The following CMYA5 variants were observed in gnomAD, a reference collection of about 807,000 sequenced individuals.
CMYA5 encodes cardiomyopathy associated 5, also known as cardiomyopathy-associated protein 5.
A neutral mutation model predicts 318.9 loss-of-function variants in CMYA5; 246 were observed. The ratio of observed to expected loss-of-function variants is 0.77; its 90% CI spans 0.70 to 0.86. The LOEUF (loss-of-function observed/expected upper bound fraction) is 0.86, where lower values mean the gene tolerates loss of function less well. Among genes scored for constraint, CMYA5 ranks in the 40% least tolerant of loss-of-function variants. The probability of loss-of-function intolerance (pLI) is 0.00; values close to 1 mark genes in which losing one functional copy is unlikely to be tolerated. For synonymous variants in CMYA5, 1,641 were observed against 1,729.5 expected, an observed-to-expected ratio of 0.95 and a Z score of 1.27; for missense variants, 4,589 against 4,678.2, an observed-to-expected ratio of 0.98 and a Z score of 0.56.
At chr5:79,747,030 C>A in intron 4 of CMYA5, 61 bp from the exon 5 acceptor site, 1 of 1,001,112 alleles carries the variant, frequency 1.0e-6, no homozygotes, top group South Asian at 1.5e-5. Flanking sequence ...TAGCTTCTCT[C>A]TCTCTTTCTC....
intron 11 of CMYA5, 41 bp downstream of exon 11, chr5:79,791,110 C>A (rs1261571222): frequency 2.9e-6 from 4 of 1,401,162 alleles, no homozygotes; most frequent in East Asian, 4.6e-5. Flanking sequence ...GATGGCCCAG[C>A]AGTAGGGTCT....
In CMYA5 at chr5:79,729,881, A is replaced by C. The variant is rs1379370753; in HGVS notation, c.1116A>C (p.Lys372Asn). ...SVPQQPEDEA[K>N]PHEVEPPSVT... is the part of the protein sequence containing the mutation. Reference sequence around the variant, plus strand: ...CACAACAGCCAGAAGATGAAGCAAAACCACATGAAGTGGAACCTCCATCTG... The same window carrying C: ...CACAACAGCCAGAAGATGAAGCAAACCCACATGAAGTGGAACCTCCATCTG... Residue 372 changes from lysine to asparagine, a missense_variant, in exon 2 of 13, where the codon AAA becomes AAC. Transcript: ENST00000446378. 2.5e-6 allele frequency: 4 copies of C among 1,612,794 alleles called. No homozygotes were observed. The South Asian group carries it at 4.4e-5, about 18-fold the overall frequency.
At position 79,735,241 on chromosome 5, in the gene CMYA5, C is replaced by T; in HGVS notation, c.6476C>T (p.Pro2159Leu). ...PEVTQNPPTQ[P>L]KVAKPDLPEE... The stretch of plus-strand genomic sequence containing the variant: ...GTGACACAAAATCCACCTACACAAC[C>T]AAAGGTGGCTAAGCCGGACCTTCCT... Residue 2159 changes from proline (P) to leucine (L), a missense_variant, in exon 2 of 13, where the codon CCA becomes CTA. This residue lies in a region of CMYA5 where 2,431 missense variants were observed against 2,495.1 expected (regional missense o/e 0.97). Transcript: ENST00000446378. 1 of 1,613,792 alleles carries T rather than the reference C, an allele frequency of 6.2e-7. No individual in the cohort carries two copies. The highest frequency in any genetic ancestry group is 8.5e-7 in the Non-Finnish European group (1 of 1,179,764).
In CMYA5 at chr5:79,763,095, G is replaced by A; in HGVS notation, c.11441G>A (p.Cys3814Tyr). 3.7e-6 allele frequency: 6 copies of A among 1,613,894 alleles called. No individual in the cohort carries two copies. Among genetic ancestry groups the A allele is most frequent in the Non-Finnish European group, 4.2e-6 (5 of 1,179,880 alleles). ...PSTPVIRAED[C>Y]TVCWNTATIR... is the part of the protein sequence containing the mutation. Reference sequence around the variant, plus strand: ...ACCCCTGTGATCCGCGCTGAGGACTGTACTGTGTGTTGGAACACAGCCACT... The same window carrying A: ...ACCCCTGTGATCCGCGCTGAGGACTATACTGTGTGTTGGAACACAGCCACT... The change falls in exon 9 of 13, where the codon TGT (cysteine) becomes TAT (tyrosine). Residue 3814 changes from cysteine (C) to tyrosine (Y), a missense_variant. This residue lies in a region of CMYA5 where 2,431 missense variants were observed against 2,495.1 expected (regional missense o/e 0.97). Coordinates refer to ENST00000446378, the MANE Select transcript of CMYA5 (RefSeq NM_153610.5).
intron 11 of CMYA5, among the ~76,000 whole-genome samples, 156 bp downstream of exon 11, chr5:79,791,225 G>A (rs546399227): frequency 3.9e-5 from 6 of 152,242 alleles, no homozygotes; most frequent in South Asian, 2.1e-4. Context: ...CACACTGTTC[G>A]GCTGTGGTTC....
chr5:79,799,475 C>T lies in CMYA5; in HGVS notation c.12069C>T (p.Ile4023=). 1 of 1,614,002 alleles carries T rather than the reference C, an allele frequency of 6.2e-7. No homozygotes were observed. ...LDYNNQRLIF[I]NAESEQLLFI... ...ACAACAACCAGAGACTTATCTTCAT[C>T]AACGCAGAGAGCGAGCAGTTGCTCT... Residue 4023 remains isoleucine (I), a synonymous_variant, in exon 13 of 13, where the codon ATC becomes ATT. Transcript: ENST00000446378.
chr5:79,776,585 T>C (rs1348347971), intron 9 of CMYA5, among the ~76,000 whole-genome samples: 1 of 151,830 alleles, frequency 6.6e-6, no homozygotes, highest in African/African-American at 2.4e-5. Context: ...ACTAAACACC[T>C]AGATTCAAAG....
intron 1 of CMYA5, among the ~76,000 whole-genome samples, chr5:79,690,634 A>G (rs1826953835): frequency 6.6e-6 from 1 of 152,176 alleles, no homozygotes; most frequent in African/African-American, 2.4e-5. Context: ...AAGTAATACT[A>G]TGTACAAAAG....
rs1829222679 is a variant in CMYA5, at chr5:79,793,685, C to G, written c.11963+75C>G. 4.4e-6 allele frequency: 6 copies of G among 1,358,564 alleles called. No individual in the cohort carries two copies. In the East Asian group the frequency reaches 1.4e-4, roughly 32 times the overall value. 84.2% of individuals were successfully genotyped at this position (1,358,564 alleles called of 1,614,324 possible). A position where few individuals can be genotyped will look rare whatever the true frequency, so the allele number is the denominator to read the frequency against. ...GTCCAGGCAGGGCTCTCTGAGGGACCTGATAAATAGCACCCACTTCCATGC... is the reference window on the plus strand; with the variant it reads ...GTCCAGGCAGGGCTCTCTGAGGGACGTGATAAATAGCACCCACTTCCATGC... On this transcript the variant is annotated intron_variant, in intron 12 of 12. Transcript: ENST00000446378.
At chr5:79,724,196 C>T (rs985391215) in intron 1 of CMYA5, among the ~76,000 whole-genome samples, 10 of 151,716 alleles carry the variant, frequency 6.6e-5, no homozygotes, top group Admixed American at 2.6e-4. Flanking sequence ...TGGTGGTGCC[C>T]GCCTGTAATC....
intron 12 of CMYA5, among the ~76,000 whole-genome samples, chr5:79,795,761 G>C (rs557396983): frequency 8.3e-4 from 126 of 152,272 alleles, no homozygotes; most frequent in African/African-American, 3.0e-3. Context: ...AGTCCAAAGG[G>C]GTCTGGGCTG....
rs565241418 is a variant in CMYA5 at position 79,763,193 on chromosome 5, G to A, written c.11539G>A (p.Glu3847Lys). The change falls in exon 9 of 13, where the codon GAG becomes AAG. Residue 3847 changes from glutamate to lysine, a missense_variant. Glu to Lys is a moderately conservative substitution (Grantham distance 56). Transcript: ENST00000446378. ...TLEYCRQHSP[E>K]GEGLRSFSGI... ...GGAGTACTGCAGACAGCACTCTCCTGAGGGAGAGGGCCTCAGGTGAGGGGC... is the reference window on the plus strand; with the variant it reads ...GGAGTACTGCAGACAGCACTCTCCTAAGGGAGAGGGCCTCAGGTGAGGGGC... The A allele has an allele frequency of 5.6e-6, 9 of 1,606,898 alleles. No homozygotes were observed. Among genetic ancestry groups the A allele is most frequent in the African/African-American group, 2.7e-5 (2 of 74,910 alleles).
chr5:79,733,051 C>T lies in CMYA5; in HGVS notation c.4286C>T (p.Thr1429Ile), dbSNP rs1396948079. ...ATTAAAGGTGCTTCTCCCATTGAAA[C>T]TTCATCCAAACATTTAGCTTGGTCA... ...VAIKGASPIE[T>I]SSKHLAWSEA... The change falls in exon 2 of 13, where the codon ACT (threonine) becomes ATT (isoleucine). Residue 1429 changes from threonine to isoleucine, a missense_variant. By Grantham distance (89) the Thr-to-Ile change is moderately conservative. Coordinates refer to ENST00000446378, the MANE Select transcript of CMYA5 (RefSeq NM_153610.5). The T allele has an allele frequency of 2.5e-6, 4 of 1,613,424 alleles. No individual in the cohort carries two copies. Among genetic ancestry groups the T allele is most frequent in the Non-Finnish European group, 3.4e-6 (4 of 1,179,670 alleles).
At chr5:79,764,122 G>A (rs534873195) in intron 9 of CMYA5, among the ~76,000 whole-genome samples, 21 of 151,878 alleles carry the variant, frequency 1.4e-4, no homozygotes, top group African/African-American at 3.4e-4. Context: ...ATCTGTATTC[G>A]GTGTTTCTCC....
chr5:79,784,866 A>G (rs972439206), intron 9 of CMYA5, among the ~76,000 whole-genome samples: 3 of 151,370 alleles, frequency 2.0e-5, no homozygotes, highest in Non-Finnish European at 4.4e-5. Flanking sequence ...AAATGCAGAA[A>G]TCACCCGTCT....
At chr5:79,745,198 G>A (rs772357245) in intron 3 of CMYA5, 24 bp from the exon 4 acceptor site, 2 of 1,463,092 alleles carry the variant, frequency 1.4e-6, no homozygotes, top group South Asian at 1.3e-5. Flanking sequence ...TCAGAAGTGG[G>A]CTTTTTTGCT....
intron 4 of CMYA5, among the ~76,000 whole-genome samples, chr5:79,745,866 C>T (rs1366199013): frequency 2.0e-5 from 3 of 152,216 alleles, no homozygotes; most frequent in Non-Finnish European, 4.4e-5. Flanking sequence ...ATGGGCTGTT[C>T]CCCCTCTGAG....
In CMYA5 at chr5:79,738,161, C is replaced by G. The variant is rs1159771613; in HGVS notation, c.9396C>G (p.Ser3132Arg). ...TATTATCTCATCCAGAGACCCAAAG[C>G]CAAAACTCAGCTGACAGGAATGTTT... is the stretch of plus-strand genomic sequence containing the variant. ...HNILSHPETQ[S>R]QNSADRNVSK... is the part of the protein sequence containing the mutation. The change falls in exon 2 of 13, where the codon AGC becomes AGG. Residue 3132 changes from serine (S) to arginine (R), a missense_variant. Ser to Arg is a moderately radical substitution (Grantham distance 110, BLOSUM62 -1). Coordinates refer to ENST00000446378, the MANE Select transcript of CMYA5 (RefSeq NM_153610.5). The G allele has an allele frequency of 1.2e-5, 20 of 1,613,780 alleles. No individual in the cohort carries two copies. Among genetic ancestry groups the G allele is most frequent in the Non-Finnish European group, 1.7e-5 (20 of 1,179,840 alleles).
rs1402227567 is a variant in CMYA5 at position 79,791,003 on chromosome 5, A to G, written c.11723A>G (p.His3908Arg). Residue 3908 changes from histidine to arginine, a missense_variant, in exon 11 of 13, where the codon CAT becomes CGT. His to Arg is a conservative substitution (Grantham distance 29). Coordinates refer to ENST00000446378, the MANE Select transcript of CMYA5 (RefSeq NM_153610.5). Reference protein sequence around the residue: ...TRFLLLRETAHPALHISSSGT... With the variant: ...TRFLLLRETARPALHISSSGT... ...TTTCTCTTGTTGAGAGAAACAGCTC[A>G]TCCTGCTCTACACATTTCCTCAAGT... 10 of 1,613,238 alleles carry G rather than the reference A, an allele frequency of 6.2e-6. No individual in the cohort carries two copies. The highest frequency in any genetic ancestry group is 8.5e-6 in the Non-Finnish European group (10 of 1,179,186).
Sources: allele counts gnomAD v4.1 joint callset (sites outside exome capture counted in the v4.1 genomes callset), GRCh38; gene constraint gnomAD v4.1.1; regional missense constraint gnomAD v4.1.1; transcripts MANE v1.5; gene names NCBI Gene and HGNC (gene_info 2026-07-23, HGNC 2026-07-21).